The following SLC22A23 variants were observed in gnomAD, a reference collection of about 807,000 sequenced individuals.
The protein encoded by SLC22A23 is solute carrier family 22 member 23.
In SLC22A23, 26 loss-of-function variants were observed where a neutral mutation model predicts 61.0. That is an observed-to-expected ratio of 0.43 (90% CI 0.31 to 0.59). SLC22A23 has a LOEUF of 0.59. Among genes scored for constraint, SLC22A23 ranks in the 20% least tolerant of loss-of-function variants. The probability of loss-of-function intolerance (pLI) is 0.11; values close to 1 mark genes in which losing one functional copy is unlikely to be tolerated. For missense variants in SLC22A23, 796 were observed against 934.7 expected (o/e 0.85, Z 1.94); for synonymous variants, 430 against 413.9 (o/e 1.04, Z -0.47).
intron 3 of SLC22A23, among the ~76,000 whole-genome samples, chr6:3,381,780 TC>T (rs1766970106): frequency 6.6e-6 from 1 of 152,136 alleles, no homozygotes; most frequent in Non-Finnish European, 1.5e-5. Flanking sequence ...AGTCCCTAGT[TC>T]CTTTTCTTAT....
intron 7 of SLC22A23, 130 bp from the exon 8 acceptor site, chr6:3,285,241 C>T (rs1451503481): frequency 1.2e-5 from 16 of 1,299,756 alleles, no homozygotes; most frequent in Middle Eastern, 2.6e-4. Context: ...AACTCCCTTC[C>T]GTGTCTGGGA....
chr6:3,304,734 G>A lies in SLC22A23; in HGVS notation c.1083-6516C>T, dbSNP rs1016963963. On this transcript the variant is annotated intron_variant, in intron 4 of 9. Transcript: ENST00000406686. The surrounding 1 kb of genome is among the most constrained non-coding windows in gnomAD (Gnocchi z 4.3). ...GGACCGTCTTGGAAGATGAGCAGCT[G>A]CAGGGCAGGCCCTGTATCCCCTCGT... is the stretch of plus-strand genomic sequence containing the variant. 6.6e-6 allele frequency among the ~76,000 whole-genome samples: 1 copy of A among 152,150 alleles called. No homozygotes were observed. The highest frequency in any genetic ancestry group is 1.5e-5 in the Non-Finnish European group (1 of 68,028).
At chr6:3,383,223 G>A (rs1231074518) in intron 3 of SLC22A23, among the ~76,000 whole-genome samples, 3 of 152,184 alleles carry the variant, frequency 2.0e-5, no homozygotes, top group South Asian at 2.1e-4. Context: ...GAACACACAC[G>A]GTATGATTTG....
At chr6:3,445,815 C>T (rs1382296188) in intron 1 of SLC22A23, among the ~76,000 whole-genome samples, 2 of 152,038 alleles carry the variant, frequency 1.3e-5, no homozygotes, top group Non-Finnish European at 2.9e-5. Context: ...CCCCCTACAA[C>T]AAGGAGGGGT....
In SLC22A23 at chr6:3,317,600, T is replaced by G. The variant is rs1250709867; in HGVS notation, c.1082+6234A>C. Reference sequence around the variant, plus strand: ...TCAGTCGGTATGACTTCCTTCTAGATGAGCGCTAAATCCCTGCTGCTCTTT... The same window carrying G: ...TCAGTCGGTATGACTTCCTTCTAGAGGAGCGCTAAATCCCTGCTGCTCTTT... On this transcript the variant is annotated intron_variant, in intron 4 of 9. Coordinates refer to ENST00000406686, the MANE Select transcript of SLC22A23 (RefSeq NM_015482.2). The surrounding 1 kb of genome is among the most constrained non-coding windows in gnomAD (Gnocchi z 4.4). 6.6e-6 allele frequency among the ~76,000 whole-genome samples: 1 copy of G among 152,194 alleles called. No homozygotes were observed. Among genetic ancestry groups the G allele is most frequent in the East Asian group, 1.9e-4 (1 of 5,192 alleles).
chr6:3,455,243 C>T (rs57304872), intron 1 of SLC22A23, among the ~76,000 whole-genome samples: 15,839 of 152,232 alleles, frequency 0.1, 1,267 homozygotes, highest in African/African-American at 0.22. Flanking sequence ...GTGCCTCAGC[C>T]CAAAGCAGCT....
chr6:3,412,950 C>A (rs919281060), intron 2 of SLC22A23, among the ~76,000 whole-genome samples: 1 of 152,140 alleles, frequency 6.6e-6, no homozygotes, highest in Non-Finnish European at 1.5e-5. Flanking sequence ...CCTGCTGACA[C>A]CCCGACTTTA....
chr6:3,323,119 G>C, intron 4 of SLC22A23: 2 of 392,034 alleles, frequency 5.1e-6, no homozygotes, highest in South Asian at 3.8e-5. Context: ...TGTTCCCCCC[G>C]TACTGCCGGC....
In SLC22A23 at chr6:3,286,011, T is replaced by G; in HGVS notation, c.1546+848A>C. Among the ~76,000 whole-genome samples the G allele has an allele frequency of 6.6e-6, 1 of 152,116 alleles. No homozygotes were observed. The highest frequency in any genetic ancestry group is 1.5e-5 in the Non-Finnish European group (1 of 68,008). ...CTGGCCACGGAGATGCTGTGGTGGTTTGTCCATACACGGGAATGGGTATTT... is the reference window on the plus strand; with the variant it reads ...CTGGCCACGGAGATGCTGTGGTGGTGTGTCCATACACGGGAATGGGTATTT... On this transcript the variant is annotated intron_variant, in intron 7 of 9. Transcript: ENST00000406686. This position sits in a 1 kb window ranked among gnomAD's most constrained non-coding sequence, Gnocchi z 4.2.
chr6:3,394,905 C>T (rs1292795200), intron 3 of SLC22A23, among the ~76,000 whole-genome samples: 2 of 152,204 alleles, frequency 1.3e-5, no homozygotes, highest in Non-Finnish European at 1.5e-5. Context: ...GCCAGAGAGT[C>T]ACAGAGGCAG....
intron 3 of SLC22A23, among the ~76,000 whole-genome samples, chr6:3,404,356 C>G (rs1180395225): frequency 1.3e-5 from 2 of 152,154 alleles, no homozygotes; most frequent in Non-Finnish European, 2.9e-5. Flanking sequence ...TGCCACTGGC[C>G]GCTTATTCTT....
intron 8 of SLC22A23, 107 bp downstream of exon 8, chr6:3,284,972 C>T (rs765112553): frequency 2.4e-5 from 38 of 1,552,662 alleles, no homozygotes; most frequent in Non-Finnish European, 2.9e-5. Context: ...TGGAGGGCAA[C>T]GGGGAGAAAG....
In SLC22A23 at chr6:3,342,454, C is replaced by T. The variant is rs1764204305; in HGVS notation, c.914-18452G>A. Among the ~76,000 whole-genome samples, 1 of 152,206 alleles carries T rather than the reference C, an allele frequency of 6.6e-6. No individual in the cohort carries two copies. The highest frequency in any genetic ancestry group is 1.5e-5 in the Non-Finnish European group (1 of 68,050). On this transcript the variant is annotated intron_variant, in intron 3 of 9. Transcript: ENST00000406686. The surrounding 1 kb of genome is among the most constrained non-coding windows in gnomAD (Gnocchi z 4.0). ...TTCACGGCTCACCTCCTTTGAAACA[C>T]ACACACCTCTTTCTCTCTCCCAGTC...
At chr6:3,383,814 T>C (rs1767110510) in intron 3 of SLC22A23, among the ~76,000 whole-genome samples, 1 of 152,270 alleles carries the variant, frequency 6.6e-6, no homozygotes, top group Non-Finnish European at 1.5e-5. Context: ...GAGGGCCCCC[T>C]GAGGTCCTAC....
intron 4 of SLC22A23, among the ~76,000 whole-genome samples, chr6:3,315,349 G>A (rs1056451152): frequency 6.6e-6 from 1 of 152,172 alleles, no homozygotes; most frequent in African/African-American, 2.4e-5. Flanking sequence ...CCACAAATGC[G>A]TGCGTGTCCC....
chr6:3,374,732 A>G (rs538317779), intron 3 of SLC22A23, among the ~76,000 whole-genome samples: 1 of 152,320 alleles, frequency 6.6e-6, no homozygotes, highest in South Asian at 2.1e-4. Context: ...AGGAGCTGAC[A>G]AGTTGCTGCT....
intron 3 of SLC22A23, chr6:3,378,021 T>A (rs1291060477): frequency 6.6e-6 from 1 of 152,150 alleles, no homozygotes; most frequent in Non-Finnish European, 1.5e-5. Context: ...AGTCCCGAGG[T>A]GTCTGCTGGG....
At chr6:3,370,268 A>C (rs1476741539) in intron 3 of SLC22A23, among the ~76,000 whole-genome samples, 2 of 152,256 alleles carry the variant, frequency 1.3e-5, no homozygotes, top group Non-Finnish European at 2.9e-5. Flanking sequence ...AAGGGAAATT[A>C]TTTAACAGTA....
rs1767302885 is a variant in SLC22A23 at position 3,386,315 on chromosome 6, C to CA, written c.913+23872dup. Among the ~76,000 whole-genome samples, 1 of 152,140 alleles carries CA rather than the reference C, an allele frequency of 6.6e-6. No homozygotes were observed. Among genetic ancestry groups the CA allele is most frequent in the Non-Finnish European group, 1.5e-5 (1 of 68,024 alleles). On this transcript the variant is annotated intron_variant, in intron 3 of 9. Coordinates refer to ENST00000406686, the MANE Select transcript of SLC22A23 (RefSeq NM_015482.2). This position sits in a 1 kb window ranked among gnomAD's most constrained non-coding sequence, Gnocchi z 4.4. ...AAGGCTGCTCAGGGTGGCGGTGGCC[C>CA]AAGCTGGAGGGCAGACAAGCCTCAG... is the stretch of plus-strand genomic sequence containing the variant.
Sources: allele counts gnomAD v4.1 joint callset (sites outside exome capture counted in the v4.1 genomes callset), GRCh38; gene constraint gnomAD v4.1.1; non-coding constraint Gnocchi (gnomAD v3.1); transcripts MANE v1.5; gene names NCBI Gene and HGNC (gene_info 2026-07-23, HGNC 2026-07-21).